RILPL2: variants seen among roughly 807,000 people sequenced by gnomAD.
RILPL2 encodes RILP-like protein 2.
In RILPL2, 19 loss-of-function variants were observed where a neutral mutation model predicts 22.2. The ratio of observed to expected loss-of-function variants is 0.86; its 90% confidence interval spans 0.60 to 1.25. The LOEUF (loss-of-function observed/expected upper bound fraction) is 1.25. RILPL2 is among the 50% of genes most tolerant of loss of function. The pLI is 0.00. For synonymous variants in RILPL2, 123 were observed against 111.6 expected, an observed-to-expected ratio of 1.10 and a Z score of -0.64; for missense variants, 243 against 263.6, an observed-to-expected ratio of 0.92 and a Z score of 0.54.
rs773189424 is a variant in RILPL2 at position 123,428,206 on chromosome 12, G to A, written c.491+2302C>T. Among the ~76,000 whole-genome samples, 43 of 152,168 alleles carry A rather than the reference G, an allele frequency of 2.8e-4. 1 individual carries two copies. Among genetic ancestry groups the A allele is most frequent in the Admixed American group, 3.9e-4 (6 of 15,266 alleles). On this transcript the variant is annotated intron_variant, in intron 2 of 3. Transcript: ENST00000280571. ...GGCTGGAGTGCAGTGGCGAGATGTC[G>A]GCTCGCTGCAAGCTCCACCTCCCAG...
At chr12:123,423,436 A>G (rs896595250) in intron 2 of RILPL2, among the ~76,000 whole-genome samples, 3 of 151,736 alleles carry the variant, frequency 2.0e-5, no homozygotes, top group African/African-American at 7.3e-5. Context: ...CTTGACCTCA[A>G]GTGATCCATC....
Position 123,430,646 on chromosome 12 carries a change from G to T in RILPL2, c.353C>A (p.Pro118Gln). Residue 118 changes from proline to glutamine, a missense_variant, in exon 2 of 4, where the codon CCA (proline) becomes CAA (glutamine). Pro to Gln is a moderately conservative substitution (Grantham distance 76). Coordinates refer to ENST00000280571, the MANE Select transcript of RILPL2 (RefSeq NM_145058.3). ...TGTCAGGTCAACCACCATTTTGTTT[G>T]GGCCCAGGTTCACCTGGAAGAAAAG... ...PPASGEVNLGPNKMVVDLTDP... is the reference protein window; with the variant it reads ...PPASGEVNLGQNKMVVDLTDP... The T allele has an allele frequency of 6.3e-7, 1 of 1,592,882 alleles. No individual in the cohort carries two copies. Among genetic ancestry groups the T allele is most frequent in the Non-Finnish European group, 8.6e-7 (1 of 1,167,294 alleles).
chr12:123,436,380 CCCTCCTCCTCTT>C lies in RILPL2; in HGVS notation c.29_40del (p.Glu10_Glu13del). ...CTCGTCCCTCTCCTCGTCCTCCTCT[CCCTCCTCCTCTT>C]CCTCTTCTCGCACAGGGGGCTCCTC... On this transcript the variant is annotated inframe_deletion, in exon 1 of 4. Coordinates refer to ENST00000280571, the MANE Select transcript of RILPL2 (RefSeq NM_145058.3). The surrounding 1 kb of genome is among the most constrained non-coding windows in gnomAD (Gnocchi z 6.7). 1.3e-6 allele frequency: 2 copies of C among 1,552,328 alleles called. No homozygotes were observed. Among genetic ancestry groups the C allele is most frequent in the Non-Finnish European group, 1.7e-6 (2 of 1,147,696 alleles).
intron 3 of RILPL2, among the ~76,000 whole-genome samples, chr12:123,419,542 G>C (rs1879215781): frequency 6.6e-6 from 1 of 152,070 alleles, no homozygotes; most frequent in East Asian, 1.9e-4. Context: ...CCCACAGCCA[G>C]GCTGAAACTG....
intron 3 of RILPL2, among the ~76,000 whole-genome samples, chr12:123,420,389 T>A (rs2139235865): frequency 6.6e-6 from 1 of 152,110 alleles, no homozygotes; most frequent in African/African-American, 2.4e-5. Context: ...TCCGCCCACC[T>A]CGGCCTCCCA....
At chr12:123,426,423 G>T (rs985918209) in intron 2 of RILPL2, among the ~76,000 whole-genome samples, 5 of 152,174 alleles carry the variant, frequency 3.3e-5, no homozygotes, top group Non-Finnish European at 7.3e-5. Flanking sequence ...AAAGTGTTGG[G>T]ATTACAGGTG....
chr12:123,412,964 C>G (rs1441312268), downstream of RILPL2: 1 of 151,322 alleles, frequency 6.6e-6, no homozygotes, highest in African/African-American at 2.4e-5. Flanking sequence ...TTTGGGAGGC[C>G]GAGGAGGGCG....
chr12:123,417,300 A>G (rs1454175325), intron 3 of RILPL2, among the ~76,000 whole-genome samples: 1 of 146,900 alleles, frequency 6.8e-6, no homozygotes, highest in Non-Finnish European at 1.5e-5. Flanking sequence ...CCCCATCTCA[A>G]AAAAAAAAAA....
intron 3 of RILPL2, among the ~76,000 whole-genome samples, chr12:123,417,151 T>C (rs1381674209): frequency 6.6e-6 from 1 of 151,560 alleles, no homozygotes; most frequent in African/African-American, 2.4e-5. Context: ...ATACAAAAAT[T>C]AGCTGGGCAT....
intron 2 of RILPL2, among the ~76,000 whole-genome samples, chr12:123,426,691 C>A (rs1418960203): frequency 6.6e-6 from 1 of 151,438 alleles, no homozygotes; most frequent in Non-Finnish European, 1.5e-5. Context: ...GGCTCTGCCC[C>A]CCGGGGCTCA....
chr12:123,435,883 T>C (rs1310123984), intron 1 of RILPL2, among the ~76,000 whole-genome samples, 199 bp downstream of exon 1: 1 of 151,836 alleles, frequency 6.6e-6, no homozygotes, highest in Non-Finnish European at 1.5e-5. Flanking sequence ...AACCCAGCAC[T>C]CTAGGAGGCT....
At chr12:123,415,972 G>C (rs1475816593) in intron 3 of RILPL2, 51 bp from the exon 4 acceptor site, 1 of 1,591,110 alleles carries the variant, frequency 6.3e-7, no homozygotes. Context: ...ACAAAGCAAG[G>C]GGCACAGCAA....
intron 3 of RILPL2, among the ~76,000 whole-genome samples, chr12:123,417,586 A>T (rs999267594): frequency 1.9e-4 from 28 of 151,340 alleles, no homozygotes; most frequent in Non-Finnish European, 3.0e-4. Context: ...TGTTCTGAAA[A>T]TTTCTTTTTT....
intron 3 of RILPL2, among the ~76,000 whole-genome samples, chr12:123,420,685 C>T (rs1235280697): frequency 1.3e-5 from 2 of 152,102 alleles, no homozygotes; most frequent in Non-Finnish European, 2.9e-5. Flanking sequence ...GATCCTCCCA[C>T]CTCAGCCTCC....
intron 1 of RILPL2, 90 bp downstream of exon 1, chr12:123,435,992 G>T: frequency 6.9e-7 from 1 of 1,455,762 alleles, no homozygotes; most frequent in South Asian, 1.4e-5. Flanking sequence ...AAAGAGAAGA[G>T]AAAAGAAAAG....
the RILPL2 span, among the ~76,000 whole-genome samples, chr12:123,409,597 C>G: frequency 5.5e-5 from 8 of 144,490 alleles, no homozygotes; most frequent in African/African-American, 2.1e-4. Context: ...GGCTGGAGTT[C>G]AGTGGGGCAG....
chr12:123,425,025 G>A (rs937577237), intron 2 of RILPL2, among the ~76,000 whole-genome samples: 7 of 151,780 alleles, frequency 4.6e-5, no homozygotes, highest in East Asian at 3.9e-4. Context: ...GACTACAGGC[G>A]TCCGCCACCA....
chr12:123,411,552 C>CTTTTTTTTT (rs557553934), downstream of RILPL2: 3 of 86,214 alleles, frequency 3.5e-5, no homozygotes, highest in African/African-American at 5.1e-5. Context: ...GCTTGAAAAC[C>CTTTTTTTTT]TTTTTTTTTT....
In RILPL2 at chr12:123,429,658, G is replaced by T. The variant is rs543515206; in HGVS notation, c.491+850C>A. 2.4e-3 allele frequency among the ~76,000 whole-genome samples: 363 copies of T among 151,558 alleles called. 1 individual carries two copies. The highest frequency in any genetic ancestry group is 4.2e-3 in the Non-Finnish European group (285 of 67,888). On this transcript the variant is annotated intron_variant, in intron 2 of 3. Coordinates refer to ENST00000280571, the MANE Select transcript of RILPL2 (RefSeq NM_145058.3). ...GTCTTGCTCTGTCACCTAGGCTGGA[G>T]TGCAGAGGCGTGATCTCGGCTCATT...
Sources: gnomAD v4.1 joint callset for allele counts (sites outside exome capture counted in the v4.1 genomes callset) on GRCh38, gnomAD v4.1.1 for gene constraint, Gnocchi (gnomAD v3.1) non-coding constraint, MANE v1.5 for transcripts, NCBI Gene and HGNC (gene_info 2026-07-23, HGNC 2026-07-21) for gene names.